The following SPART variants were observed in gnomAD, a reference collection of about 807,000 sequenced individuals.
The protein encoded by SPART is spartin, also known as spastic paraplegia 20 (Troyer syndrome).
In SPART, 35 loss-of-function variants were observed where a neutral mutation model predicts 58.7. That is an observed-to-expected ratio of 0.60 (90% CI 0.46 to 0.79). The LOEUF is 0.79. SPART is among the 30% of genes least tolerant of loss of function. SPART has a pLI of 0.00. For synonymous variants in SPART, 284 were observed against 280.7 expected (o/e 1.01, Z -0.12); for missense variants, 730 against 786.1 (o/e 0.93, Z 0.85).
chr13:36,352,449 C>A (rs999450954), intron 1 of SPART, among the ~76,000 whole-genome samples: 1 of 151,968 alleles, frequency 6.6e-6, no homozygotes, highest in Admixed American at 6.6e-5. Flanking sequence ...GATTTAAAAC[C>A]AGACACCAAA....
At chr13:36,333,491 C>T (rs1204016164) in intron 2 of SPART, among the ~76,000 whole-genome samples, 1 of 147,908 alleles carries the variant, frequency 6.8e-6, no homozygotes, top group Non-Finnish European at 1.5e-5. Flanking sequence ...CTTTTAAGGA[C>T]ACTCTGCTAC....
chr13:36,345,161 A>AG (rs1201752238), intron 1 of SPART, among the ~76,000 whole-genome samples: 2 of 152,184 alleles, frequency 1.3e-5, no homozygotes, highest in Admixed American at 6.5e-5. Context: ...AAAAAAGCGG[A>AG]GGGGGCTTTG....
chr13:36,332,000 A>G (rs937292808), intron 2 of SPART, among the ~76,000 whole-genome samples: 2 of 152,218 alleles, frequency 1.3e-5, no homozygotes, highest in Admixed American at 6.5e-5. Flanking sequence ...ATATTTACTG[A>G]AATAATAGTA....
rs77119953 is a variant in SPART at position 36,362,622 on chromosome 13, A to G, written c.-3+7467T>C. 5.3e-3 allele frequency among the ~76,000 whole-genome samples: 802 copies of G among 152,154 alleles called. 5 individuals are homozygous for G. Among genetic ancestry groups the G allele is most frequent in the African/African-American group, 0.018 (757 of 41,524 alleles). ...GTGCTCTGCATGAGGCCACCTGAGA[A>G]GATCTGGACTCATGCAGATCTTGAG... On this transcript the variant is annotated intron_variant, in intron 1 of 8. Coordinates refer to the SPART transcript ENST00000355182.
At chr13:36,347,644 T>A (rs1342367860), upstream of SPART, among the ~76,000 whole-genome samples, 1 of 152,126 alleles carries the variant, frequency 6.6e-6, no homozygotes, top group Non-Finnish European at 1.5e-5. Context: ...ATTAATACAG[T>A]GGTTTCAAAA....
chr13:36,359,930 A>AAAAC (rs1272968178), intron 1 of SPART, among the ~76,000 whole-genome samples: 1 of 151,092 alleles, frequency 6.6e-6, no homozygotes, highest in Non-Finnish European at 1.5e-5. Flanking sequence ...ATTTAAAAAA[A>AAAAC]AAAAAAAAAA....
chr13:36,331,671 A>C, intron 2 of SPART, 75 bp from the exon 3 acceptor site: 1 of 1,117,450 alleles, frequency 8.9e-7, no homozygotes, highest in Non-Finnish European at 1.3e-6. Flanking sequence ...TGTTTTAATA[A>C]AATTGTTATA....
intron 8 of SPART, among the ~76,000 whole-genome samples, chr13:36,310,724 T>A (rs1278132836): frequency 6.6e-6 from 1 of 152,100 alleles, no homozygotes; most frequent in Non-Finnish European, 1.5e-5. Context: ...CATGTAAATG[T>A]TCCCCTGTTC....
intron 1 of SPART, among the ~76,000 whole-genome samples, chr13:36,344,762 C>T (rs547777391): frequency 6.4e-4 from 97 of 152,196 alleles, no homozygotes; most frequent in African/African-American, 1.9e-3. Context: ...CATTATTTCA[C>T]ATTATTTAAT....
chr13:36,357,192 A>G (rs1885652830), intron 1 of SPART, among the ~76,000 whole-genome samples: 1 of 152,018 alleles, frequency 6.6e-6, no homozygotes. Flanking sequence ...ATACCTAATC[A>G]GTTTTTTTCA....
intron 1 of SPART, among the ~76,000 whole-genome samples, chr13:36,339,976 G>A (rs1422632300): frequency 6.6e-6 from 1 of 152,162 alleles, no homozygotes; most frequent in Non-Finnish European, 1.5e-5. Context: ...AGTGAGGCAG[G>A]AGAATCACTT....
upstream of SPART, chr13:36,346,619 G>A (rs1232779720): frequency 1.3e-5 from 2 of 152,196 alleles, no homozygotes; most frequent in Non-Finnish European, 2.9e-5. Context: ...CGTCCCCTTC[G>A]GACCCAAGAG....
chr13:36,308,817 G>A (rs1440942989), intron 8 of SPART, among the ~76,000 whole-genome samples: 2 of 151,450 alleles, frequency 1.3e-5, no homozygotes. Context: ...AGTAACCTCA[G>A]GGTCATAAAA....
chr13:36,319,004 C>CCCCTT (rs1882053785), intron 5 of SPART, among the ~76,000 whole-genome samples: 1 of 152,128 alleles, frequency 6.6e-6, no homozygotes, highest in Admixed American at 6.5e-5. Flanking sequence ...GTAAGCCCGT[C>CCCCTT]CCCTTCTTAA....
chr13:36,316,512 G>A (rs1881720480), intron 5 of SPART, among the ~76,000 whole-genome samples: 1 of 152,126 alleles, frequency 6.6e-6, no homozygotes, highest in Admixed American at 6.5e-5. Flanking sequence ...ATTACCTTGT[G>A]AAAGTCCTTT....
At chr13:36,308,654 T>C (rs1237715851) in intron 8 of SPART, among the ~76,000 whole-genome samples, 9 of 119,576 alleles carry the variant, frequency 7.5e-5, no homozygotes, top group South Asian at 2.7e-4. Context: ...TTTTTTTTTT[T>C]CATTAGAGTA....
At position 36,306,449 on chromosome 13, in the gene SPART, G is replaced by A. The variant is rs147280505; in HGVS notation, c.1734-1817C>T. Among the ~76,000 whole-genome samples the A allele has an allele frequency of 6.8e-3, 1,033 of 152,062 alleles. 1 individual carries two copies. Among genetic ancestry groups the A allele is most frequent in the Non-Finnish European group, 0.011 (716 of 67,948 alleles). ...AGGGCTTATTTTTCCAGAACCATGTGAGCTACAATGAAGTGACACCATAAC... is the reference window on the plus strand; with the variant it reads ...AGGGCTTATTTTTCCAGAACCATGTAAGCTACAATGAAGTGACACCATAAC... On this transcript the variant is annotated intron_variant, in intron 8 of 8. Coordinates refer to ENST00000438666, the MANE Select transcript of SPART (RefSeq NM_015087.5).
chr13:36,344,447 T>A (rs1884868286), intron 1 of SPART, among the ~76,000 whole-genome samples: 1 of 152,038 alleles, frequency 6.6e-6, no homozygotes, highest in Non-Finnish European at 1.5e-5. Flanking sequence ...CCTTGCTACA[T>A]CTCCATCTTA....
chr13:36,367,570 C>T (rs973845336), intron 1 of SPART, among the ~76,000 whole-genome samples: 10 of 152,078 alleles, frequency 6.6e-5, no homozygotes, highest in African/African-American at 2.2e-4. Context: ...CTTCCCCTTT[C>T]CTTCTTGCCT....
Sources: allele counts gnomAD v4.1 joint callset (sites outside exome capture counted in the v4.1 genomes callset), GRCh38; gene constraint gnomAD v4.1.1; transcripts MANE v1.5; gene names NCBI Gene and HGNC (gene_info 2026-07-23, HGNC 2026-07-21).